RAG1: variants seen among roughly 807,000 people sequenced by gnomAD.
RAG1 encodes the protein V(D)J recombination-activating protein 1.
RAG1 carries 35 observed loss-of-function variants against 62.7 expected under a neutral mutation model. That is an observed-to-expected ratio of 0.56 (90% CI 0.43 to 0.74). The LOEUF is 0.74. RAG1 is among the 30% of genes least tolerant of loss of function. The pLI is 0.00. For missense variants in RAG1, 1,169 were observed against 1,278.6 expected (o/e 0.91, Z 1.31); for synonymous variants, 461 against 470.3 (o/e 0.98, Z 0.26).
At chr11:36,533,175 G>T (rs1396342130) in intron 2 of RAG1, among the ~76,000 whole-genome samples, 2 of 152,108 alleles carry the variant, frequency 1.3e-5, no homozygotes, top group Non-Finnish European at 2.9e-5. Context: ...CAACACGTAG[G>T]CCCAGCATGT....
chr11:36,521,029 G>C (rs1860071832), intron 2 of RAG1, among the ~76,000 whole-genome samples: 1 of 141,846 alleles, frequency 7.0e-6, no homozygotes, highest in African/African-American at 2.6e-5. Context: ...GCATGATCTT[G>C]GCTCACTGCA....
At position 36,578,356 on chromosome 11, in the gene RAG1, GT is replaced by G. The variant is rs1029194589; in HGVS notation, c.*1927del. On this transcript the variant is annotated 3_prime_UTR_variant, in exon 2 of 2. Coordinates refer to ENST00000299440, the MANE Select transcript of RAG1 (RefSeq NM_000448.3). Reference sequence around the variant, plus strand: ...AAAACATATACATATTTTAACATTAGTTTTTTTGAAAACTCTTGGTTTTGTT... The same window carrying G: ...AAAACATATACATATTTTAACATTAGTTTTTTGAAAACTCTTGGTTTTGTT... The G allele has an allele frequency of 6.6e-5, 11 of 166,616 alleles. No individual in the cohort carries two copies. Among genetic ancestry groups the G allele is most frequent in the African/African-American group, 2.4e-4 (10 of 41,532 alleles). The allele number at this position is 166,616 out of a possible 1,614,324, so 10.3% of individuals were successfully genotyped here. A position where few individuals can be genotyped will look rare whatever the true frequency, so the allele number is the denominator to read the frequency against.
intron 2 of RAG1, among the ~76,000 whole-genome samples, chr11:36,534,719 G>A (rs1860301464): frequency 6.6e-6 from 1 of 152,060 alleles, no homozygotes; most frequent in Non-Finnish European, 1.5e-5. Context: ...CAATCAATGT[G>A]TCTACCACAA....
Position 36,574,657 on chromosome 11 carries a change from T to C in RAG1, c.1353T>C (p.Ala451=), listed in dbSNP as rs1459481646. ...GGGCGAGGAATGAGCACAGGCAAGC[T>C]GATGAGCTGGAGGCCATCATGCAGG... ...ALRARNEHRQ[A]DELEAIMQGK... is the part of the protein sequence containing the mutation. The change falls in exon 2 of 2, where the codon GCT becomes GCC. Residue 451 remains alanine, a synonymous_variant. Coordinates refer to ENST00000299440, the MANE Select transcript of RAG1 (RefSeq NM_000448.3). 7 of 1,614,078 alleles carry C rather than the reference T, an allele frequency of 4.3e-6. No homozygotes were observed. Among genetic ancestry groups the C allele is most frequent in the Non-Finnish European group, 1.7e-6 (2 of 1,180,030 alleles).
At chr11:36,565,181 A>G (rs114954186), upstream of RAG1, among the ~76,000 whole-genome samples, 3,843 of 152,296 alleles carry the variant, frequency 0.025, 160 homozygotes, top group African/African-American at 0.086. Flanking sequence ...GTCCGTAAAC[A>G]GCATCTGCTG....
upstream of RAG1, among the ~76,000 whole-genome samples, chr11:36,565,458 C>G (rs776099152): frequency 1.3e-5 from 2 of 152,138 alleles, no homozygotes; most frequent in Non-Finnish European, 2.9e-5. Context: ...AAGGGCCTGT[C>G]GGCACTTCAA....
chr11:36,520,459 G>T (rs1046655538), intron 2 of RAG1, among the ~76,000 whole-genome samples: 3 of 151,988 alleles, frequency 2.0e-5, no homozygotes, highest in South Asian at 4.1e-4. Flanking sequence ...TGTATTTTTG[G>T]AAGAGACGGG....
chr11:36,517,414 A>G (rs763397603), intron 1 of RAG1, among the ~76,000 whole-genome samples: 1 of 152,168 alleles, frequency 6.6e-6, no homozygotes, highest in Non-Finnish European at 1.5e-5. Context: ...GGTGGGGGGA[A>G]TATACAATTT....
At chr11:36,539,948 A>T (rs1303789231), downstream of RAG1, among the ~76,000 whole-genome samples, 1 of 152,144 alleles carries the variant, frequency 6.6e-6, no homozygotes, top group African/African-American at 2.4e-5. Flanking sequence ...GTTATGTTCT[A>T]TTTTGTTCCA....
downstream of RAG1, among the ~76,000 whole-genome samples, chr11:36,536,949 A>T (rs1367110240): frequency 7.5e-6 from 1 of 132,716 alleles, no homozygotes; most frequent in Admixed American, 7.2e-5. Context: ...TAGTAGAGAC[A>T]GGGTTTCACC....
chr11:36,576,040 C>T lies in RAG1; in HGVS notation c.2736C>T (p.Tyr912=). The T allele has an allele frequency of 6.8e-6, 11 of 1,614,106 alleles. No individual in the cohort carries two copies. The highest frequency in any genetic ancestry group is 8.5e-6 in the Non-Finnish European group (10 of 1,180,030). The change falls in exon 2 of 2, where the codon TAC becomes TAT. Residue 912 remains tyrosine (Y), a synonymous_variant. Coordinates refer to ENST00000299440, the MANE Select transcript of RAG1 (RefSeq NM_000448.3). ...AKECPESLCQ[Y]SFNSQRFAEL... is the part of the protein sequence containing the mutation. ...AGTGCCCAGAATCCCTCTGCCAGTACAGTTTCAATTCACAGCGTTTTGCTG... is the reference window on the plus strand; with the variant it reads ...AGTGCCCAGAATCCCTCTGCCAGTATAGTTTCAATTCACAGCGTTTTGCTG...
intron 2 of RAG1, among the ~76,000 whole-genome samples, chr11:36,534,056 T>TA (rs1443608496): frequency 6.6e-6 from 1 of 151,734 alleles, no homozygotes; most frequent in Non-Finnish European, 1.5e-5. Context: ...ACTCATTGGT[T>TA]AAAAAAAATA....
intron 2 of RAG1, among the ~76,000 whole-genome samples, chr11:36,533,950 C>T (rs1465732309): frequency 6.6e-6 from 1 of 151,922 alleles, no homozygotes; most frequent in African/African-American, 2.4e-5. Context: ...TTGGTAAAGG[C>T]TTACACTTGA....
chr11:36,562,858 A>C (rs1190124799), intron 3 of RAG1, among the ~76,000 whole-genome samples: 1 of 152,150 alleles, frequency 6.6e-6, no homozygotes, highest in African/African-American at 2.4e-5. Context: ...TCCAACTTGA[A>C]GCCAGCAGAT....
rs187629461 is a variant in RAG1, at chr11:36,527,100, T to A, written n.428+6871T>A. ...CTCTTTAGTTTAATTAGATCCCATT[T>A]GTTAAGTTTGGCTTTTGTTACCATT... On this transcript the variant is annotated intron_variant and non_coding_transcript_variant, in intron 2 of 2. Transcript: ENST00000529126. Among the ~76,000 whole-genome samples the A allele has an allele frequency of 2.4e-3, 361 of 152,364 alleles. 1 individual carries two copies. Among genetic ancestry groups the A allele is most frequent in the Non-Finnish European group, 4.3e-3 (291 of 68,034 alleles).
chr11:36,512,928 A>G (rs1406245311), intron 1 of RAG1, among the ~76,000 whole-genome samples: 2 of 152,182 alleles, frequency 1.3e-5, no homozygotes, highest in African/African-American at 2.4e-5. Flanking sequence ...TGCGTCCCCT[A>G]AATTTCATGC....
intron 1 of RAG1, among the ~76,000 whole-genome samples, chr11:36,519,536 G>T (rs537890669): frequency 6.6e-6 from 1 of 152,250 alleles, no homozygotes; most frequent in South Asian, 2.1e-4. Flanking sequence ...TGAACATTAG[G>T]TTATTTCTTC....
intron 2 of RAG1, chr11:36,535,915 C>T (rs184014228): frequency 2.6e-5 from 4 of 152,106 alleles, no homozygotes; most frequent in South Asian, 2.1e-4. Context: ...ATTGTTAGCT[C>T]ATCATTGTGG....
intron 3 of RAG1, among the ~76,000 whole-genome samples, chr11:36,558,926 G>A (rs1850541825): frequency 6.6e-6 from 1 of 152,118 alleles, no homozygotes; most frequent in African/African-American, 2.4e-5. Context: ...CTGTGTATCT[G>A]CTCTACTAGT....
Sources: gnomAD v4.1 joint callset for allele counts (sites outside exome capture counted in the v4.1 genomes callset) on GRCh38, gnomAD v4.1.1 for gene constraint, MANE v1.5 for transcripts, NCBI Gene and HGNC (gene_info 2026-07-23, HGNC 2026-07-21) for gene names.